FGGY: variants seen among roughly 807,000 people sequenced by gnomAD.
The protein encoded by FGGY is FGGY carbohydrate kinase domain containing, also known as FGGY carbohydrate kinase domain-containing protein.
Under a neutral mutation model 71.3 loss-of-function variants are expected in FGGY, and 72 were observed. The ratio of observed to expected loss-of-function variants is 1.01; its 90% CI spans 0.84 to 1.23. FGGY has a LOEUF of 1.23. FGGY is among the 50% of genes most tolerant of loss of function. The pLI, the probability that FGGY is intolerant of heterozygous loss-of-function variation, is 0.00. For missense variants in FGGY, 668 were observed against 682.3 expected, an observed-to-expected ratio of 0.98 and a Z score of 0.23; for synonymous variants, 251 against 250.3, an observed-to-expected ratio of 1.00 and a Z score of -0.02.
chr1:59,324,188 C>T (rs185235440), intron 2 of FGGY, among the ~76,000 whole-genome samples: 291 of 150,824 alleles, frequency 1.9e-3, no homozygotes, highest in Non-Finnish European at 3.3e-3. Flanking sequence ...AGACAGCTAA[C>T]AGTTCTTGGG....
intron 5 of FGGY, among the ~76,000 whole-genome samples, chr1:59,444,841 G>A (rs1452122024): frequency 6.6e-6 from 1 of 152,028 alleles, no homozygotes; most frequent in African/African-American, 2.4e-5. Flanking sequence ...CACAAAACTG[G>A]GTCCTGGTGC....
intron 8 of FGGY, among the ~76,000 whole-genome samples, chr1:59,590,084 A>C (rs1260728634): frequency 6.6e-6 from 1 of 152,208 alleles, no homozygotes; most frequent in African/African-American, 2.4e-5. Flanking sequence ...AAATAGACGC[A>C]ATAAAAAATG....
At chr1:59,488,904 C>G (rs2093738712) in intron 6 of FGGY, among the ~76,000 whole-genome samples, 1 of 151,964 alleles carries the variant, frequency 6.6e-6, no homozygotes, top group South Asian at 2.1e-4. Flanking sequence ...TGCCAAATTG[C>G]ATTTCCAACA....
intron 7 of FGGY, among the ~76,000 whole-genome samples, chr1:59,526,483 G>C (rs2094984075): frequency 6.6e-6 from 1 of 152,206 alleles, no homozygotes; most frequent in African/African-American, 2.4e-5. Context: ...AGCAGCTGGT[G>C]GAAATGGGAG....
rs557573339 is a variant in FGGY, at chr1:59,627,715, C to G, written c.1073+1666C>G. 1.4e-4 allele frequency among the ~76,000 whole-genome samples: 21 copies of G among 151,820 alleles called. No individual in the cohort carries two copies. The East Asian group carries it at 3.3e-3, about 24-fold the overall frequency. On this transcript the variant is annotated intron_variant, in intron 10 of 15. Transcript: ENST00000303721. Reference sequence around the variant, plus strand: ...TAATCAGGACTTCTTAGAAAGATGGCTGAGTCTACGCTGCGGCAGTAAAAT... The same window carrying G: ...TAATCAGGACTTCTTAGAAAGATGGGTGAGTCTACGCTGCGGCAGTAAAAT...
At chr1:59,329,405 G>A (rs926703815) in intron 2 of FGGY, among the ~76,000 whole-genome samples, 8 of 152,236 alleles carry the variant, frequency 5.3e-5, no homozygotes, top group Admixed American at 2.6e-4. Flanking sequence ...CAATGGACTT[G>A]CTTACTGCAG....
At position 59,462,595 on chromosome 1, in the gene FGGY, T is replaced by A. The variant is rs148773494; in HGVS notation, c.670+5519T>A. On this transcript the variant is annotated intron_variant, in intron 6 of 15. Transcript: ENST00000303721. ...CTAATATCCAGAATCTACAGTGAAC[T>A]CAAGCAAATTTACAAGGAAAAAACA... 2.9e-3 allele frequency among the ~76,000 whole-genome samples: 438 copies of A among 152,244 alleles called. 1 individual carries two copies. Among genetic ancestry groups the A allele is most frequent in the African/African-American group, 0.01 (425 of 41,530 alleles).
intron 5 of FGGY, among the ~76,000 whole-genome samples, chr1:59,411,123 A>G (rs1448066235): frequency 6.6e-6 from 1 of 152,162 alleles, no homozygotes; most frequent in Non-Finnish European, 1.5e-5. Context: ...CACACAATAC[A>G]TTTACTAGTC....
intron 8 of FGGY, among the ~76,000 whole-genome samples, chr1:59,566,649 G>A (rs2095876861): frequency 6.6e-6 from 1 of 152,132 alleles, no homozygotes; most frequent in African/African-American, 2.4e-5. Flanking sequence ...GAGACAATGA[G>A]TGGACCTTCT....
At chr1:59,361,803 C>T (rs1156421809) in intron 4 of FGGY, among the ~76,000 whole-genome samples, 1 of 152,204 alleles carries the variant, frequency 6.6e-6, no homozygotes, top group African/African-American at 2.4e-5. Context: ...ACTGGGCAGA[C>T]AGAGCAGCTC....
intron 11 of FGGY, among the ~76,000 whole-genome samples, chr1:59,654,713 G>A (rs1019764072): frequency 1.3e-5 from 2 of 152,032 alleles, no homozygotes; most frequent in Non-Finnish European, 2.9e-5. Context: ...TGTGCATTAG[G>A]ACTGTGGTGA....
chr1:59,481,769 G>A (rs1053469822), intron 6 of FGGY, among the ~76,000 whole-genome samples: 1 of 152,142 alleles, frequency 6.6e-6, no homozygotes, highest in Non-Finnish European at 1.5e-5. Context: ...CTAAGTAAGA[G>A]ATTAAACTGA....
chr1:59,420,882 A>C (rs1200712010), intron 5 of FGGY, among the ~76,000 whole-genome samples: 2 of 149,786 alleles, frequency 1.3e-5, no homozygotes, highest in African/African-American at 4.8e-5. Flanking sequence ...GGCCACCAAG[A>C]AGCTTTGGAC....
At chr1:59,635,031 A>C (rs963269766) in intron 10 of FGGY, among the ~76,000 whole-genome samples, 13 of 152,210 alleles carry the variant, frequency 8.5e-5, no homozygotes, top group African/African-American at 2.9e-4. Flanking sequence ...TCCACTTGGG[A>C]TCACAGTTAA....
intron 9 of FGGY, among the ~76,000 whole-genome samples, chr1:59,611,869 C>T (rs1053571834): frequency 6.6e-6 from 1 of 151,960 alleles, no homozygotes; most frequent in East Asian, 1.9e-4. Flanking sequence ...CCTCAGTAGC[C>T]GATTTGATCA....
intron 6 of FGGY, among the ~76,000 whole-genome samples, chr1:59,511,867 A>C (rs991882678): frequency 6.6e-5 from 10 of 152,176 alleles, no homozygotes; most frequent in Admixed American, 6.5e-4. Flanking sequence ...TGAAAGAGTA[A>C]GTTTTCTTGA....
chr1:59,736,883 A>G (rs1249379544), intron 14 of FGGY, among the ~76,000 whole-genome samples: 2 of 152,254 alleles, frequency 1.3e-5, no homozygotes, highest in African/African-American at 4.8e-5. Flanking sequence ...AGGCCATGTC[A>G]GAGGTCTTCA....
At chr1:59,728,606 G>T (rs1364012743) in intron 14 of FGGY, among the ~76,000 whole-genome samples, 1 of 147,796 alleles carries the variant, frequency 6.8e-6, no homozygotes, top group Non-Finnish European at 1.5e-5. Flanking sequence ...TTTTATTTGA[G>T]AATATCTTTC....
chr1:59,737,772 A>G (rs1052749828), intron 14 of FGGY, among the ~76,000 whole-genome samples: 1 of 152,208 alleles, frequency 6.6e-6, no homozygotes, highest in Non-Finnish European at 1.5e-5. Flanking sequence ...GTTAATGCCA[A>G]AACGAGTTAA....
Sources: gnomAD v4.1 joint callset for allele counts (sites outside exome capture counted in the v4.1 genomes callset) on GRCh38, gnomAD v4.1.1 for gene constraint, MANE v1.5 for transcripts, NCBI Gene and HGNC (gene_info 2026-07-23, HGNC 2026-07-21) for gene names.